Variants in SLC41A3 observed in about 807,000 individuals in gnomAD.
The protein encoded by SLC41A3 is solute carrier family 41 member 3.
In SLC41A3, 44 loss-of-function variants were observed where a neutral mutation model predicts 45.4. The observed-to-expected ratio is 0.97, with a 90% CI of 0.76 to 1.25. The LOEUF is 1.25. SLC41A3 is among the 50% of genes most tolerant of loss of function. SLC41A3 has a pLI of 0.00. For synonymous variants in SLC41A3, 256 were observed against 252.4 expected (o/e 1.01, Z -0.13); for missense variants, 550 against 600.6 (o/e 0.92, Z 0.88).
intron 2 of SLC41A3, among the ~76,000 whole-genome samples, chr3:126,064,531 A>T (rs1484744139): frequency 6.6e-6 from 1 of 152,018 alleles, no homozygotes; most frequent in African/African-American, 2.4e-5. Context: ...CCAGGTGTTG[A>T]GTGTCCACCA....
intron 3 of SLC41A3, among the ~76,000 whole-genome samples, chr3:126,048,192 A>T (rs1943090892): frequency 6.6e-6 from 1 of 152,222 alleles, no homozygotes; most frequent in Admixed American, 6.5e-5. Context: ...AAGAGAATTG[A>T]TAACTTTACA....
At chr3:126,075,766 C>T (rs1944852632) in intron 1 of SLC41A3, among the ~76,000 whole-genome samples, 1 of 152,232 alleles carries the variant, frequency 6.6e-6, no homozygotes, top group South Asian at 2.1e-4. Context: ...GCTGGGACAA[C>T]TGAATAATCA....
intron 1 of SLC41A3, among the ~76,000 whole-genome samples, chr3:126,089,939 T>G (rs1297759524): frequency 6.6e-6 from 1 of 151,978 alleles, no homozygotes. Context: ...ACAGCTCTCA[T>G]GAGCTGCTTG....
chr3:126,072,143 G>T (rs1300920535), intron 1 of SLC41A3, among the ~76,000 whole-genome samples: 4 of 152,086 alleles, frequency 2.6e-5, no homozygotes, highest in Non-Finnish European at 5.9e-5. Context: ...TCTTTGAGAT[G>T]AATGAAAATG....
intron 4 of SLC41A3, among the ~76,000 whole-genome samples, chr3:126,030,388 C>T (rs1941710658): frequency 6.6e-6 from 1 of 151,512 alleles, no homozygotes; most frequent in Non-Finnish European, 1.5e-5. Context: ...ATAGGCAACT[C>T]ACAGAAAAGA....
At chr3:126,008,057 C>T (rs911096703) in intron 10 of SLC41A3, among the ~76,000 whole-genome samples, 1 of 152,236 alleles carries the variant, frequency 6.6e-6, no homozygotes, top group Non-Finnish European at 1.5e-5. Flanking sequence ...CCTGCCCACC[C>T]ACCGTTGGGG....
intron 10 of SLC41A3, 57 bp downstream of exon 10, chr3:126,008,675 C>G (rs570351030): frequency 1.1e-5 from 17 of 1,593,406 alleles, no homozygotes; most frequent in Admixed American, 6.7e-5. Flanking sequence ...GACAAGAGAT[C>G]AAGCCTGCTG....
intron 4 of SLC41A3, 128 bp downstream of exon 4, chr3:126,033,479 G>C: frequency 1.0e-6 from 1 of 985,306 alleles, no homozygotes; most frequent in South Asian, 1.5e-5. Flanking sequence ...GGGAGGGACA[G>C]GTAGCTACCT....
chr3:126,015,638 C>T (rs1940204892), intron 7 of SLC41A3, 65 bp from the exon 8 acceptor site: 1 of 1,477,256 alleles, frequency 6.8e-7, no homozygotes, highest in South Asian at 1.1e-5. Flanking sequence ...CTGCAACTCT[C>T]CACACAAATC....
rs1279848072 is a variant in SLC41A3 at position 126,016,790 on chromosome 3, G to C, written c.831C>G (p.Pro277=). ...VWVLIAKQSP[P]IVKILKFGWF... ...AGCCAAACTTCAGGATCTTCACGAT[G>C]GGTGGGCTCTGCTTGGCAATGAGGA... Residue 277 remains proline, a synonymous_variant, in exon 7 of 11, where the codon CCC becomes CCG. Coordinates refer to ENST00000360370, the MANE Select transcript of SLC41A3 (RefSeq NM_017836.4). 1.2e-6 allele frequency: 2 copies of C among 1,612,736 alleles called. No individual in the cohort carries two copies. Among genetic ancestry groups the C allele is most frequent in the African/African-American group, 1.3e-5 (1 of 74,878 alleles).
chr3:126,050,921 G>A (rs374123971), intron 3 of SLC41A3, 22 bp downstream of exon 3: 46 of 1,603,072 alleles, frequency 2.9e-5, no homozygotes, highest in Middle Eastern at 3.3e-4. Context: ...TGGCCGCCTC[G>A]AATGTCCAGG....
chr3:126,028,351 T>C (rs1354770301), intron 4 of SLC41A3, among the ~76,000 whole-genome samples: 2 of 152,218 alleles, frequency 1.3e-5, no homozygotes, highest in Non-Finnish European at 2.9e-5. Context: ...GCTCCAGTCA[T>C]GGCTCAAAAG....
At chr3:126,028,938 GA>G (rs1239836094) in intron 4 of SLC41A3, among the ~76,000 whole-genome samples, 1 of 152,234 alleles carries the variant, frequency 6.6e-6, no homozygotes, top group Non-Finnish European at 1.5e-5. Flanking sequence ...TCCTTTGGCT[GA>G]TTTCTCCCCT....
intron 1 of SLC41A3, among the ~76,000 whole-genome samples, chr3:126,101,059 G>A (rs538022437): frequency 1.4e-4 from 22 of 152,320 alleles, no homozygotes; most frequent in Admixed American, 5.2e-4. Flanking sequence ...TGTTGGACTC[G>A]GCTTCCTCCA....
At chr3:126,050,342 C>T (rs558261754) in intron 3 of SLC41A3, among the ~76,000 whole-genome samples, 1 of 152,268 alleles carries the variant, frequency 6.6e-6, no homozygotes, top group Admixed American at 6.5e-5. Flanking sequence ...ACATGGGCAT[C>T]AGAGAAAGGG....
intron 1 of SLC41A3, among the ~76,000 whole-genome samples, chr3:126,099,255 G>A (rs989922180): frequency 1.3e-5 from 2 of 152,080 alleles, no homozygotes; most frequent in Non-Finnish European, 2.9e-5. Flanking sequence ...TCCAGAGCCC[G>A]GGAGCAACTG....
At chr3:126,084,373 A>G (rs1033706785), upstream of SLC41A3, 1 of 152,130 alleles carries the variant, frequency 6.6e-6, no homozygotes, top group Admixed American at 6.5e-5. Flanking sequence ...CTGGGGCCCC[A>G]CTGGCGCCCC....
chr3:126,082,861 C>A (rs967878555), intron 1 of SLC41A3, among the ~76,000 whole-genome samples: 5 of 152,228 alleles, frequency 3.3e-5, no homozygotes, highest in Middle Eastern at 3.2e-3. Flanking sequence ...ATGGTTTCTG[C>A]CTGGCAGGGA....
intron 9 of SLC41A3, among the ~76,000 whole-genome samples, chr3:126,012,032 C>T (rs775848794): frequency 4.6e-5 from 7 of 152,246 alleles, no homozygotes; most frequent in Non-Finnish European, 8.8e-5. Flanking sequence ...CACCTCCTTC[C>T]GGCCTCTCTG....
Sources: gnomAD v4.1 joint callset for allele counts (sites outside exome capture counted in the v4.1 genomes callset) on GRCh38, gnomAD v4.1.1 for gene constraint, MANE v1.5 for transcripts, NCBI Gene and HGNC (gene_info 2026-07-23, HGNC 2026-07-21) for gene names.